The following DNAI1 variants were observed in gnomAD, a reference collection of about 807,000 sequenced individuals.
DNAI1 encodes the protein dynein, axonemal, intermediate polypeptide 1.
Under a neutral mutation model 92.0 loss-of-function variants are expected in DNAI1, and 67 were observed. The observed-to-expected ratio is 0.73, with a 90% CI of 0.60 to 0.89. DNAI1 has a LOEUF of 0.89. DNAI1 is among the 40% of genes least tolerant of loss of function. The pLI is 0.00. For synonymous variants in DNAI1, 323 were observed against 319.6 expected, an observed-to-expected ratio of 1.01 and a Z score of -0.11; for missense variants, 839 against 866.6, an observed-to-expected ratio of 0.97 and a Z score of 0.40.
intron 4 of DNAI1, 83 bp downstream of exon 4, chr9:34,485,600 A>G: frequency 3.0e-6 from 4 of 1,320,364 alleles, no homozygotes; most frequent in Non-Finnish European, 4.3e-6. Flanking sequence ...AAAGCCTCTC[A>G]GTAATTCTAG....
At position 34,458,971 on chromosome 9, in the gene DNAI1, C is replaced by T. The variant is rs776744499; in HGVS notation, c.-35C>T. 9 of 1,609,366 alleles carry T rather than the reference C, an allele frequency of 5.6e-6. No homozygotes were observed. The highest frequency in any genetic ancestry group is 6.8e-6 in the Non-Finnish European group (8 of 1,175,764). On this transcript the variant is annotated 5_prime_UTR_variant, in exon 1 of 20. In the 5' UTR this introduces an upstream ATG that the reference lacks. Coordinates refer to ENST00000242317, the MANE Select transcript of DNAI1 (RefSeq NM_012144.4). This position sits in a 1 kb window ranked among gnomAD's most constrained non-coding sequence, Gnocchi z 6.6. ...GACGGACAAACTTTTTGTCTTCAGA[C>T]GAGGGAGCGTTTTGTAGGCTCTCCA...
chr9:34,470,716 C>T (rs1824119847), intron 1 of DNAI1, among the ~76,000 whole-genome samples: 1 of 152,146 alleles, frequency 6.6e-6, no homozygotes, highest in Non-Finnish European at 1.5e-5. Flanking sequence ...GTGCTGTTAA[C>T]CAACTTGACC....
chr9:34,467,538 C>T (rs10814112), intron 1 of DNAI1, among the ~76,000 whole-genome samples: 3,379 of 152,006 alleles, frequency 0.022, 97 homozygotes, highest in East Asian at 0.12. Flanking sequence ...GAGGCTGAGG[C>T]GGGAGGATCC....
At chr9:34,504,029 C>A (rs1824879764) in intron 12 of DNAI1, among the ~76,000 whole-genome samples, 1 of 152,162 alleles carries the variant, frequency 6.6e-6, no homozygotes, top group South Asian at 2.1e-4. Flanking sequence ...GTCTTCCAGG[C>A]ATGGATGGTG....
chr9:34,513,306 A>AG, intron 16 of DNAI1, 115 bp downstream of exon 16: 1 of 811,846 alleles, frequency 1.2e-6, no homozygotes, highest in Admixed American at 1.8e-5. Context: ...CAGTTCTAGA[A>AG]GGCCTCTTGA....
intron 16 of DNAI1, 33 bp downstream of exon 16, chr9:34,513,224 C>T (rs201856461): frequency 1.9e-6 from 3 of 1,549,160 alleles, no homozygotes; most frequent in Admixed American, 1.7e-5. Context: ...CCTTAGAAGG[C>T]CGCTTAGACC....
intron 1 of DNAI1, among the ~76,000 whole-genome samples, chr9:34,481,967 A>C (rs975077985): frequency 2.0e-5 from 3 of 152,230 alleles, no homozygotes; most frequent in African/African-American, 7.2e-5. Flanking sequence ...CCCCACCCAC[A>C]TCCTGCTGAT....
At chr9:34,472,931 A>G (rs542482469) in intron 1 of DNAI1, among the ~76,000 whole-genome samples, 1 of 152,174 alleles carries the variant, frequency 6.6e-6, no homozygotes, top group African/African-American at 2.4e-5. Flanking sequence ...CGATGAGTAT[A>G]TAACAGTATT....
chr9:34,510,843 C>A (rs1259358205), intron 13 of DNAI1, among the ~76,000 whole-genome samples: 3 of 152,190 alleles, frequency 2.0e-5, no homozygotes, highest in African/African-American at 7.2e-5. Context: ...AATATTAGGG[C>A]TGACTCTGAC....
intron 11 of DNAI1, 125 bp downstream of exon 11, chr9:34,500,964 C>T (rs886969529): frequency 2.2e-5 from 22 of 1,011,216 alleles, no homozygotes; most frequent in Non-Finnish European, 3.3e-5. Flanking sequence ...AAATATGGAA[C>T]TTGGATTCTT....
intron 13 of DNAI1, among the ~76,000 whole-genome samples, chr9:34,508,016 G>A (rs1824976779): frequency 6.6e-6 from 1 of 152,054 alleles, no homozygotes; most frequent in African/African-American, 2.4e-5. Context: ...CTTCCTTATT[G>A]TGTCCCAAAG....
chr9:34,509,266 G>T (rs754032986), intron 13 of DNAI1, among the ~76,000 whole-genome samples: 11 of 152,118 alleles, frequency 7.2e-5, no homozygotes, highest in Non-Finnish European at 1.3e-4. Flanking sequence ...ATGAAGAAGG[G>T]TACAAAGGGG....
intron 10 of DNAI1, among the ~76,000 whole-genome samples, chr9:34,499,246 T>C (rs999521955): frequency 5.3e-5 from 8 of 152,260 alleles, no homozygotes; most frequent in Admixed American, 1.3e-4. Context: ...GAATCTTTTT[T>C]GTTCTGAGAC....
rs532699146 is a variant in DNAI1 at position 34,481,351 on chromosome 9, C to G, written c.49-2097C>G. Among the ~76,000 whole-genome samples, 9 of 152,314 alleles carry G rather than the reference C, an allele frequency of 5.9e-5. No individual in the cohort carries two copies. The South Asian group carries it at 1.9e-3, about 32-fold the overall frequency. On this transcript the variant is annotated intron_variant, in intron 1 of 19. Transcript: ENST00000242317. ...GTTGAACCAGTTGCAAATAAATTCCCAGTGCTAAGTTACTTGGTCGTGATC... is the reference window on the plus strand; with the variant it reads ...GTTGAACCAGTTGCAAATAAATTCCGAGTGCTAAGTTACTTGGTCGTGATC...
At chr9:34,509,055 C>T (rs1825004475) in intron 13 of DNAI1, among the ~76,000 whole-genome samples, 1 of 152,206 alleles carries the variant, frequency 6.6e-6, no homozygotes, top group African/African-American at 2.4e-5. Flanking sequence ...TCTGGTTGAT[C>T]TCTGGAGTTC....
chr9:34,483,944 G>A (rs1423758022), intron 2 of DNAI1, among the ~76,000 whole-genome samples: 2 of 152,252 alleles, frequency 1.3e-5, no homozygotes, highest in South Asian at 2.1e-4. Flanking sequence ...GGCTGGGTGT[G>A]GTGGCTCACT....
Position 34,514,401 on chromosome 9 carries a change from A to G in DNAI1, c.1577A>G (p.Lys526Arg). The G allele has an allele frequency of 1.2e-6, 2 of 1,614,028 alleles. No individual in the cohort carries two copies. Among genetic ancestry groups the G allele is most frequent in the South Asian group, 2.2e-5 (2 of 91,080 alleles). ...CGTTCCCTCCCCGACCAGTGCTCTA[A>G]ATCCTACTCCAGCCAATTCCTCGAC... ...TEEGKIYKCS[K>R]SYSSQFLDTY... Residue 526 changes from lysine (K) to arginine (R), a missense_variant, in exon 17 of 20, where the codon AAA becomes AGA. By Grantham distance (26) the Lys-to-Arg change is conservative (BLOSUM62 2). Coordinates refer to ENST00000242317, the MANE Select transcript of DNAI1 (RefSeq NM_012144.4).
intron 9 of DNAI1, among the ~76,000 whole-genome samples, chr9:34,496,645 A>T (rs547764105): frequency 1.8e-4 from 27 of 152,246 alleles, no homozygotes; most frequent in Middle Eastern, 6.8e-3. Flanking sequence ...TGCCTTCCTC[A>T]GCCTGTAACT....
In DNAI1 at chr9:34,517,291, A is replaced by G. The variant is rs727502978; in HGVS notation, c.1825A>G (p.Ile609Val). 19 of 1,613,666 alleles carry G rather than the reference A, an allele frequency of 1.2e-5. No homozygotes were observed. The highest frequency in any genetic ancestry group is 2.2e-5 in the South Asian group (2 of 91,002). ...AAVTTDGKAH[I>V]FDLAINKYEA... ...GACACCGACCTCTCCACAGGCCCAC[A>G]TATTTGACTTAGCCATCAACAAGTA... Residue 609 changes from isoleucine (I) to valine (V), a missense_variant, in exon 19 of 20, where the codon ATA (isoleucine) becomes GTA (valine). Transcript: ENST00000242317.
Sources: allele counts gnomAD v4.1 joint callset (sites outside exome capture counted in the v4.1 genomes callset), GRCh38; gene constraint gnomAD v4.1.1; non-coding constraint Gnocchi (gnomAD v3.1); transcripts MANE v1.5; gene names NCBI Gene and HGNC (gene_info 2026-07-23, HGNC 2026-07-21).